The following ZNF470 variants were observed in gnomAD, a reference collection of about 807,000 sequenced individuals.
The protein encoded by ZNF470 is chondrogenesis zinc finger protein 1.
In ZNF470, 13 loss-of-function variants were observed where a neutral mutation model predicts 13.9. The observed-to-expected ratio is 0.94, with a 90% CI of 0.61 to 1.49. The LOEUF is 1.49. ZNF470 is among the 40% of genes most tolerant of loss of function. ZNF470 has a pLI of 0.00. For missense variants in ZNF470, 929 were observed against 857.3 expected, an observed-to-expected ratio of 1.08 and a Z score of -1.04; for synonymous variants, 293 against 282.9, an observed-to-expected ratio of 1.04 and a Z score of -0.36.
chr19:56,574,223 A>T, intron 3 of ZNF470, 171 bp from the exon 4 acceptor site: 1 of 1,057,310 alleles, frequency 9.5e-7, no homozygotes, highest in Non-Finnish European at 1.5e-6. Context: ...CAGCATAACT[A>T]GGCAGAAAAG....
At chr19:56,571,125 CAG>C (rs764062839) in intron 3 of ZNF470, among the ~76,000 whole-genome samples, 65 of 152,338 alleles carry the variant, frequency 4.3e-4, no homozygotes, top group Non-Finnish European at 8.5e-4. Context: ...GCATTCTGAA[CAG>C]AGTATGCAAA....
rs550820083 is a variant in ZNF470, at chr19:56,580,016, G to A, written c.*1433G>A. 9.8e-5 allele frequency: 41 copies of A among 417,614 alleles called. No homozygotes were observed. The highest frequency in any genetic ancestry group is 1.9e-4 in the Admixed American group (3 of 15,534). 25.9% of individuals were successfully genotyped at this position (417,614 alleles called of 1,614,324 possible). A position where few individuals can be genotyped will look rare whatever the true frequency, so the allele number is the denominator to read the frequency against. On this transcript the variant is annotated 3_prime_UTR_variant, in exon 6 of 6. Coordinates refer to ENST00000330619, the MANE Select transcript of ZNF470 (RefSeq NM_001001668.4). ...TAAGGTACAAGATGGACAAAAATAC[G>A]TGCTCTTACAGATCTAGTAGAACAG...
At position 56,581,322 on chromosome 19, in the gene ZNF470, G is replaced by A. The variant is rs555648667; in HGVS notation, c.*2739G>A. 1.5e-5 allele frequency: 12 copies of A among 827,472 alleles called. No individual in the cohort carries two copies. The highest frequency in any genetic ancestry group is 2.5e-4 in the East Asian group (2 of 8,080). 51.3% of individuals were successfully genotyped at this position (827,472 alleles called of 1,614,324 possible). ...TTTTTCCCCAAAAGACTGACTAATC[G>A]AGTGATAACATTCAGTATTGGTGAA... is the stretch of plus-strand genomic sequence containing the variant. On this transcript the variant is annotated 3_prime_UTR_variant, in exon 6 of 6. Transcript: ENST00000330619.
rs1183987695 is a variant in ZNF470, at chr19:56,582,271, A to G, written c.*3688A>G. 1.0e-6 allele frequency: 1 copy of G among 985,268 alleles called. No homozygotes were observed. The highest frequency in any genetic ancestry group is 1.1e-4 in the East Asian group (1 of 8,818). 61.0% of individuals were successfully genotyped at this position (985,268 alleles called of 1,614,324 possible). A position where few individuals can be genotyped will look rare whatever the true frequency, so the allele number is the denominator to read the frequency against. ...ATGGAGAATGCTGAATCCAAAAGGT[A>G]TATGTAATACTGGTATCTAACTGCT... On this transcript the variant is annotated 3_prime_UTR_variant, in exon 6 of 6. Coordinates refer to ENST00000330619, the MANE Select transcript of ZNF470 (RefSeq NM_001001668.4).
chr19:56,570,611 C>T (rs918516732), intron 3 of ZNF470, among the ~76,000 whole-genome samples: 2 of 152,092 alleles, frequency 1.3e-5, no homozygotes, highest in African/African-American at 2.4e-5. Flanking sequence ...CAGGAAATGA[C>T]CCAGTCTGAG....
rs1435924467 is a variant in ZNF470, at chr19:56,578,686, G to A, written c.*103G>A. 7.5e-7 allele frequency: 1 copy of A among 1,327,046 alleles called. No homozygotes were observed. Among genetic ancestry groups the A allele is most frequent in the Non-Finnish European group, 9.7e-7 (1 of 1,035,518 alleles). 82.2% of individuals were successfully genotyped at this position (1,327,046 alleles called of 1,614,324 possible). On this transcript the variant is annotated 3_prime_UTR_variant, in exon 6 of 6. Transcript: ENST00000330619. Reference sequence around the variant, plus strand: ...CCATCTCATCTGGATTTCTGCAGTAGCATAACTGTTGCCCCTTTTGCTTCT... The same window carrying A: ...CCATCTCATCTGGATTTCTGCAGTAACATAACTGTTGCCCCTTTTGCTTCT...
At chr19:56,570,771 TACGCAGTGTGAGA>T (rs919236933) in intron 3 of ZNF470, among the ~76,000 whole-genome samples, 1 of 152,122 alleles carries the variant, frequency 6.6e-6, no homozygotes, top group Non-Finnish European at 1.5e-5. Context: ...AGCAAACACT[TACGCAGTGTGAGA>T]AGTGCTGCAA....
chr19:56,570,603 G>A (rs2044445354), intron 3 of ZNF470, among the ~76,000 whole-genome samples: 1 of 152,090 alleles, frequency 6.6e-6, no homozygotes. Context: ...TTTTCATTCA[G>A]GAAATGACCC....
rs2044541024 is a variant in ZNF470, at chr19:56,582,244, G to T, written c.*3661G>T. On this transcript the variant is annotated 3_prime_UTR_variant, in exon 6 of 6. Transcript: ENST00000330619. ...GTTCTGGATAATGATAATTTAAGGA[G>T]GATGGAGAATGCTGAATCCAAAAGG... 1.0e-6 allele frequency: 1 copy of T among 985,310 alleles called. No homozygotes were observed. The highest frequency in any genetic ancestry group is 1.2e-6 in the Non-Finnish European group (1 of 829,904). 61.0% of individuals were successfully genotyped at this position (985,310 alleles called of 1,614,324 possible). A position where few individuals can be genotyped will look rare whatever the true frequency, so the allele number is the denominator to read the frequency against.
rs1407916163 is a variant in ZNF470 at position 56,570,121 on chromosome 19, C to G, written c.-32-159C>G. 18 of 572,882 alleles carry G rather than the reference C, an allele frequency of 3.1e-5. No individual in the cohort carries two copies. In the East Asian group the frequency reaches 5.2e-4, roughly 17 times the overall value. 35.5% of individuals were successfully genotyped at this position (572,882 alleles called of 1,614,324 possible). A position where few individuals can be genotyped will look rare whatever the true frequency, so the allele number is the denominator to read the frequency against. On this transcript the variant is annotated intron_variant, in intron 2 of 5. Coordinates refer to ENST00000330619, the MANE Select transcript of ZNF470 (RefSeq NM_001001668.4). ...AACCCAGAGCAGAGGGGAACCCCAGCTATATATTTCAAGTCTCCCAAAGAG... is the reference window on the plus strand; with the variant it reads ...AACCCAGAGCAGAGGGGAACCCCAGGTATATATTTCAAGTCTCCCAAAGAG...
intron 3 of ZNF470, among the ~76,000 whole-genome samples, chr19:56,572,491 A>G (rs1209298678): frequency 2.1e-5 from 3 of 140,470 alleles, no homozygotes; most frequent in Non-Finnish European, 4.5e-5. Context: ...GCCGTGAGCC[A>G]AGATTGTACC....
rs1363177804 is a variant in ZNF470 at position 56,576,734 on chromosome 19, C to T, written c.305C>T (p.Thr102Ile). 6.8e-6 allele frequency: 10 copies of T among 1,470,616 alleles called. No homozygotes were observed. The highest frequency in any genetic ancestry group is 9.0e-6 in the Non-Finnish European group (10 of 1,111,252). 91.1% of individuals were successfully genotyped at this position (1,470,616 alleles called of 1,614,324 possible). A position where few individuals can be genotyped will look rare whatever the true frequency, so the allele number is the denominator to read the frequency against. Residue 102 changes from threonine (T) to isoleucine (I), a missense_variant, in exon 6 of 6, where the codon ACC (threonine) becomes ATC (isoleucine). By Grantham distance (89) the Thr-to-Ile change is moderately conservative (BLOSUM62 -1). Transcript: ENST00000330619. ...TCAGACTTGGAGTGTGTGTGGGTGA[C>T]CAAATCATTATCTTTAAACCAGGAT... is the stretch of plus-strand genomic sequence containing the variant. ...LCPDLECVWVTKSLSLNQDIY... is the reference protein window; with the variant it reads ...LCPDLECVWVIKSLSLNQDIY...
Position 56,570,322 on chromosome 19 carries a change from A to C in ZNF470, c.11A>C (p.Gln4Pro). The change falls in exon 3 of 6, where the codon CAG becomes CCG. Residue 4 changes from glutamine (Q) to proline (P), a missense_variant. Gln to Pro is a moderately conservative substitution (Grantham distance 76). Coordinates refer to ENST00000330619, the MANE Select transcript of ZNF470 (RefSeq NM_001001668.4). The stretch of plus-strand genomic sequence containing the variant: ...AAAGCTCTTCTCCAAATGAAGAGCC[A>C]GGAAGAGGTAGAGGTGGCAGGAATT... MKSQEEVEVAGIKL... is the reference protein window; with the variant it reads MKSPEEVEVAGIKL... 6.2e-7 allele frequency: 1 copy of C among 1,614,214 alleles called. No homozygotes were observed. Among genetic ancestry groups the C allele is most frequent in the East Asian group, 2.2e-5 (1 of 44,886 alleles).
chr19:56,570,108 A>AG, intron 2 of ZNF470, 172 bp from the exon 3 acceptor site: 1 of 552,780 alleles, frequency 1.8e-6, no homozygotes, highest in East Asian at 3.0e-5. Flanking sequence ...CCCAGAGCAG[A>AG]GGGGAACCCC....
intron 3 of ZNF470, 42 bp from the exon 4 acceptor site, chr19:56,574,352 T>C (rs1288155812): frequency 3.1e-6 from 5 of 1,612,852 alleles, no homozygotes; most frequent in Non-Finnish European, 4.2e-6. Flanking sequence ...TGCATTGGAA[T>C]GTGAACACTG....
Position 56,577,711 on chromosome 19 carries a change from AAT to A in ZNF470, c.1283_1284del (p.Asn428SerfsTer7). 6.2e-7 allele frequency: 1 copy of A among 1,611,096 alleles called. No homozygotes were observed. On this transcript the variant is annotated frameshift_variant, in exon 6 of 6. Transcript: ENST00000330619. LOFTEE classifies it low-confidence loss of function (END_TRUNC). ...TACTGGAGAGAGACCTTACAAATGTAATGTGTGTGGGAAGGCTTTTAGCCATG... is the reference window on the plus strand; with the variant it reads ...TACTGGAGAGAGACCTTACAAATGTAGTGTGTGGGAAGGCTTTTAGCCATG... ...THTGERPYKC[N>X]VCGKAFSHGS...
chr19:56,573,529 A>G (rs1327869882), intron 3 of ZNF470, among the ~76,000 whole-genome samples: 1 of 152,258 alleles, frequency 6.6e-6, no homozygotes, highest in Non-Finnish European at 1.5e-5. Flanking sequence ...ATCTCCCAGT[A>G]ACAGTCCAGT....
In ZNF470 at chr19:56,567,712, T is replaced by TGTGACTGTCCGGTGC. The variant is rs1346772587; in HGVS notation, c.-481_-467dup. ...CGCGCGCGGGGATGGCGGCCCGGTG[T>TGTGACTGTCCGGTGC]GTGACTGTCCGGTGCGTGGCCGCGA... On this transcript the variant is annotated 5_prime_UTR_variant, in exon 1 of 6. Coordinates refer to ENST00000330619, the MANE Select transcript of ZNF470 (RefSeq NM_001001668.4). 9.1e-6 allele frequency: 9 copies of TGTGACTGTCCGGTGC among 988,930 alleles called. No homozygotes were observed. Among genetic ancestry groups the TGTGACTGTCCGGTGC allele is most frequent in the Admixed American group, 6.1e-5 (1 of 16,332 alleles). The allele number at this position is 988,930 out of a possible 1,614,324, so 61.3% of individuals were successfully genotyped here. A position where few individuals can be genotyped will look rare whatever the true frequency, so the allele number is the denominator to read the frequency against.
At chr19:56,571,297 G>C (rs886824022) in intron 3 of ZNF470, among the ~76,000 whole-genome samples, 1 of 152,216 alleles carries the variant, frequency 6.6e-6, no homozygotes, top group Admixed American at 6.5e-5. Context: ...TGTTAATAGA[G>C]TGTTGCAGTA....
Sources: allele counts gnomAD v4.1 joint callset (sites outside exome capture counted in the v4.1 genomes callset), GRCh38; gene constraint gnomAD v4.1.1; transcripts MANE v1.5; gene names NCBI Gene and HGNC (gene_info 2026-07-23, HGNC 2026-07-21).